The following KSR2 variants were observed in gnomAD, a reference collection of about 807,000 sequenced individuals.
The protein encoded by KSR2 is kinase suppressor of ras 2.
In KSR2, 25 loss-of-function variants were observed where a neutral mutation model predicts 107.8. The ratio of observed to expected loss-of-function variants is 0.23; its 90% confidence interval spans 0.17 to 0.32. The LOEUF (loss-of-function observed/expected upper bound fraction) is 0.32. KSR2 is among the 10% of genes least tolerant of loss of function. KSR2 has a pLI of 1.00. For missense variants in KSR2, 887 were observed against 1,268.9 expected, an observed-to-expected ratio of 0.70 and a Z score of 4.57; for synonymous variants, 480 against 507.0, an observed-to-expected ratio of 0.95 and a Z score of 0.71.
intron 14 of KSR2, among the ~76,000 whole-genome samples, chr12:117,497,692 C>T (rs141540842): frequency 3.5e-4 from 54 of 152,246 alleles, no homozygotes; most frequent in African/African-American, 1.2e-3. Flanking sequence ...TGAGATAATC[C>T]GCCACTTCCT....
intron 7 of KSR2, among the ~76,000 whole-genome samples, chr12:117,568,554 C>T (rs1593002362): frequency 1.3e-5 from 2 of 152,148 alleles, no homozygotes; most frequent in Non-Finnish European, 2.9e-5. Context: ...CGTGACACTT[C>T]GAGCCGGCTG....
intron 1 of KSR2, among the ~76,000 whole-genome samples, chr12:117,950,751 A>T (rs992162537): frequency 6.3e-5 from 9 of 141,880 alleles, no homozygotes; most frequent in Non-Finnish European, 1.2e-4. Context: ...AAAAAAAAAA[A>T]TAATAATAAT....
At chr12:117,676,450 T>C (rs928054488) in intron 4 of KSR2, among the ~76,000 whole-genome samples, 2 of 151,618 alleles carry the variant, frequency 1.3e-5, no homozygotes, top group Non-Finnish European at 2.9e-5. Context: ...TTATTTTCTA[T>C]ATGCAAAAGA....
chr12:117,619,678 A>G (rs941036493), intron 5 of KSR2, among the ~76,000 whole-genome samples: 2 of 151,060 alleles, frequency 1.3e-5, no homozygotes, highest in Non-Finnish European at 3.0e-5. Context: ...TTAATTTTCA[A>G]TGTTAAAAAT....
chr12:117,517,179 C>T (rs1380901356), intron 14 of KSR2, among the ~76,000 whole-genome samples: 1 of 152,192 alleles, frequency 6.6e-6, no homozygotes, highest in African/African-American at 2.4e-5. Context: ...GCATCTTGGA[C>T]TATTACATGG....
At chr12:117,768,193 C>T (rs79320157) in intron 3 of KSR2, among the ~76,000 whole-genome samples, 3 of 152,330 alleles carry the variant, frequency 2.0e-5, no homozygotes, top group East Asian at 1.9e-4. Context: ...CTGCTCATGC[C>T]GAGGAAGGGC....
intron 5 of KSR2, among the ~76,000 whole-genome samples, chr12:117,585,816 C>T (rs1178387638): frequency 1.3e-5 from 2 of 152,214 alleles, no homozygotes. Context: ...ACAAGTCATG[C>T]AGACACAGAG....
At chr12:117,608,949 G>T (rs1019270860) in intron 5 of KSR2, among the ~76,000 whole-genome samples, 1 of 152,048 alleles carries the variant, frequency 6.6e-6, no homozygotes, top group Non-Finnish European at 1.5e-5. Flanking sequence ...ATTCTGGGAG[G>T]TTGTCCACAG....
intron 1 of KSR2, among the ~76,000 whole-genome samples, chr12:117,928,915 AT>A (rs1208180552): frequency 6.6e-6 from 1 of 152,196 alleles, no homozygotes; most frequent in Non-Finnish European, 1.5e-5. Context: ...TTGAACTCAG[AT>A]CTGGTAGACT....
At chr12:117,524,302 A>T (rs1874960414) in intron 14 of KSR2, among the ~76,000 whole-genome samples, 1 of 152,224 alleles carries the variant, frequency 6.6e-6, no homozygotes, top group South Asian at 2.1e-4. Context: ...TAGAGGGGGA[A>T]CTAGACCCGA....
chr12:117,950,737 T>TA (rs1183707257), intron 1 of KSR2, among the ~76,000 whole-genome samples: 76 of 127,754 alleles, frequency 5.9e-4, no homozygotes, highest in Non-Finnish European at 8.9e-4. Flanking sequence ...CAAGACTCTG[T>TA]AAAAAAAAAA....
At chr12:117,847,896 T>C (rs1837720474) in intron 3 of KSR2, among the ~76,000 whole-genome samples, 1 of 152,104 alleles carries the variant, frequency 6.6e-6, no homozygotes. Context: ...AGAAAGTCCC[T>C]GAGCCCTGGA....
In KSR2 at chr12:117,878,057, G is replaced by A. The variant is rs1449217375; in HGVS notation, c.181-17626C>T. On this transcript the variant is annotated intron_variant, in intron 1 of 19. Coordinates refer to ENST00000339824, the MANE Select transcript of KSR2 (RefSeq NM_173598.6). ...TCTTGAGGGGCTGAGATGTGGAGAG[G>A]GCAGCTTTGAGTTGGGTATGCAAGA... Among the ~76,000 whole-genome samples the A allele has an allele frequency of 4.6e-5, 7 of 152,102 alleles. No homozygotes were observed. In the South Asian group the frequency reaches 1.2e-3, roughly 27 times the overall value.
intron 7 of KSR2, among the ~76,000 whole-genome samples, chr12:117,558,838 G>C (rs184239387): frequency 1.3e-5 from 2 of 151,540 alleles, no homozygotes; most frequent in African/African-American, 2.4e-5. Context: ...AGATTGATAG[G>C]TGGCTGGACA....
At chr12:117,591,422 C>T (rs1319302492) in intron 5 of KSR2, among the ~76,000 whole-genome samples, 1 of 152,202 alleles carries the variant, frequency 6.6e-6, no homozygotes, top group African/African-American at 2.4e-5. Flanking sequence ...CACGACATAG[C>T]TGAGACCTGG....
rs1011939667 is a variant in KSR2, at chr12:117,544,854, C to T, written c.1519-4967G>A. Among the ~76,000 whole-genome samples the T allele has an allele frequency of 1.1e-4, 16 of 152,304 alleles. No homozygotes were observed. The East Asian group carries it at 2.3e-3, about 22-fold the overall frequency. On this transcript the variant is annotated intron_variant, in intron 9 of 19. Transcript: ENST00000339824. ...TCTTGCCTTACTGTATTGGCCAGAA[C>T]TTCCAGCATTGTGTTGAATAAGAAT...
intron 4 of KSR2, among the ~76,000 whole-genome samples, chr12:117,731,673 C>T: frequency 6.6e-6 from 1 of 152,066 alleles, no homozygotes; most frequent in Non-Finnish European, 1.5e-5. Flanking sequence ...TGGGAGACTC[C>T]ATTTTGTTCT....
chr12:117,494,268 A>G (rs1872904009), intron 14 of KSR2, among the ~76,000 whole-genome samples: 1 of 151,308 alleles, frequency 6.6e-6, no homozygotes, highest in African/African-American at 2.5e-5. Flanking sequence ...TCTGTAGTGT[A>G]CCACACCTGG....
intron 3 of KSR2, among the ~76,000 whole-genome samples, chr12:117,836,888 A>C (rs1892237335): frequency 6.6e-6 from 1 of 152,180 alleles, no homozygotes; most frequent in African/African-American, 2.4e-5. Context: ...CTCTTTCCAG[A>C]TGTCTCCCAA....
Sources: gnomAD v4.1 joint callset for allele counts (sites outside exome capture counted in the v4.1 genomes callset) on GRCh38, gnomAD v4.1.1 for gene constraint, MANE v1.5 for transcripts, NCBI Gene and HGNC (gene_info 2026-07-23, HGNC 2026-07-21) for gene names.